Variants in GJB7 observed in about 807,000 individuals in gnomAD.
GJB7 encodes gap junction protein beta 7.
For synonymous variants in GJB7, 87 were observed against 95.2 expected, an observed-to-expected ratio of 0.91 and a Z score of 0.50; for missense variants, 253 against 256.8, an observed-to-expected ratio of 0.99 and a Z score of 0.10.
chr6:87,329,051 G>C (rs1452370949), intron 1 of GJB7, 87 bp downstream of exon 1: 1 of 152,878 alleles, frequency 6.5e-6, no homozygotes, highest in Non-Finnish European at 1.5e-5. Context: ...TTGACTAGGA[G>C]AGGGAACTCC....
At chr6:87,323,213 C>T (rs1457564691) in intron 1 of GJB7, among the ~76,000 whole-genome samples, 170 bp from the exon 2 acceptor site, 2 of 152,198 alleles carry the variant, frequency 1.3e-5, no homozygotes, top group South Asian at 2.1e-4. Context: ...AGCCTTTCCC[C>T]TTTTTTCAGA....
intron 2 of GJB7, among the ~76,000 whole-genome samples, chr6:87,287,396 T>G (rs909824449): frequency 2.0e-5 from 3 of 152,214 alleles, no homozygotes; most frequent in Non-Finnish European, 4.4e-5. Context: ...ATAATACATG[T>G]TCTCTTACAG....
At chr6:87,319,905 C>T (rs183154672) in intron 2 of GJB7, among the ~76,000 whole-genome samples, 1 of 152,158 alleles carries the variant, frequency 6.6e-6, no homozygotes, top group Admixed American at 6.5e-5. Flanking sequence ...TGAAATAAGC[C>T]AGGCACAGGA....
At chr6:87,290,413 CTCAT>C (rs1776148926) in intron 2 of GJB7, among the ~76,000 whole-genome samples, 1 of 152,202 alleles carries the variant, frequency 6.6e-6, no homozygotes, top group South Asian at 2.1e-4. Flanking sequence ...CTAGCAAACT[CTCAT>C]TCCCCATCTG....
chr6:87,328,900 C>G (rs1001260568), intron 1 of GJB7, among the ~76,000 whole-genome samples: 1 of 152,180 alleles, frequency 6.6e-6, no homozygotes, highest in African/African-American at 2.4e-5. Flanking sequence ...TAGCAATCAG[C>G]CAGACTCCGT....
At chr6:87,315,233 C>T (rs1456842762) in intron 2 of GJB7, among the ~76,000 whole-genome samples, 1 of 152,134 alleles carries the variant, frequency 6.6e-6, no homozygotes, top group African/African-American at 2.4e-5. Context: ...GTTTCCCAAC[C>T]CAACTGGTGG....
At chr6:87,296,435 T>C (rs1776250565) in intron 2 of GJB7, among the ~76,000 whole-genome samples, 1 of 152,212 alleles carries the variant, frequency 6.6e-6, no homozygotes. Context: ...TGTAGATTAA[T>C]ATATGAAACA....
At chr6:87,298,773 T>G in intron 2 of GJB7, 1 of 245,586 alleles carries the variant, frequency 4.1e-6, no homozygotes, top group South Asian at 6.2e-5. Flanking sequence ...CCGACAGAAA[T>G]GCTTCAATTA....
intron 2 of GJB7, among the ~76,000 whole-genome samples, chr6:87,305,279 ATTGTC>A (rs1223546523): frequency 6.6e-6 from 1 of 151,994 alleles, no homozygotes; most frequent in African/African-American, 2.4e-5. Context: ...AGAAAACCCC[ATTGTC>A]TCAGCCCAAA....
chr6:87,315,122 G>T (rs1055614471), intron 2 of GJB7, among the ~76,000 whole-genome samples: 1 of 152,116 alleles, frequency 6.6e-6, no homozygotes, highest in Non-Finnish European at 1.5e-5. Context: ...GCACCACTCA[G>T]TGGAAAAGAG....
intron 1 of GJB7, among the ~76,000 whole-genome samples, chr6:87,327,520 G>GT (rs1776858327): frequency 6.7e-6 from 1 of 149,702 alleles, no homozygotes; most frequent in South Asian, 2.1e-4. Flanking sequence ...ATGAAGCTTA[G>GT]TTTGGCTGGA....
chr6:87,312,460 G>A (rs1361947461), intron 2 of GJB7, among the ~76,000 whole-genome samples: 8 of 149,344 alleles, frequency 5.4e-5, no homozygotes, highest in Non-Finnish European at 7.4e-5. Context: ...GCAGTGAGCC[G>A]AGATGACACC....
intron 2 of GJB7, among the ~76,000 whole-genome samples, chr6:87,293,656 G>A (rs1201499618): frequency 6.6e-6 from 1 of 152,172 alleles, no homozygotes; most frequent in Non-Finnish European, 1.5e-5. Flanking sequence ...TTTGTGCTAA[G>A]ACACCTTCTG....
At chr6:87,293,078 C>A (rs1011799673) in intron 2 of GJB7, among the ~76,000 whole-genome samples, 3 of 152,212 alleles carry the variant, frequency 2.0e-5, no homozygotes, top group Non-Finnish European at 4.4e-5. Context: ...TGTTGCTAGG[C>A]TAGAGTGCAG....
Position 87,284,001 on chromosome 6 carries a change from G to A in GJB7, c.*240C>T. The A allele has an allele frequency of 2.1e-6, 1 of 482,668 alleles. No individual in the cohort carries two copies. The highest frequency in any genetic ancestry group is 3.5e-5 in the East Asian group (1 of 28,620). The allele number at this position is 482,668 out of a possible 1,614,324, so 29.9% of individuals were successfully genotyped here. A position where few individuals can be genotyped will look rare whatever the true frequency, so the allele number is the denominator to read the frequency against. On this transcript the variant is annotated 3_prime_UTR_variant, in exon 3 of 3. Transcript: ENST00000525899. ...CTCTGTCTAGAGCTCATAACTGAAAGCATATTGACAATGTAAAAAAATTCC... is the reference window on the plus strand; with the variant it reads ...CTCTGTCTAGAGCTCATAACTGAAAACATATTGACAATGTAAAAAAATTCC...
intron 2 of GJB7, chr6:87,299,168 G>A (rs1776286054): frequency 1.1e-5 from 5 of 454,822 alleles, no homozygotes; most frequent in Non-Finnish European, 2.2e-5. Flanking sequence ...TGCTAATCCT[G>A]TGGAAATCAG....
rs549872339 is a variant in GJB7 at position 87,324,975 on chromosome 6, A to G, written c.-205-1932T>C. 4.7e-3 allele frequency among the ~76,000 whole-genome samples: 712 copies of G among 152,122 alleles called. 5 individuals are homozygous for G. The highest frequency in any genetic ancestry group is 0.016 in the African/African-American group (664 of 41,472). On this transcript the variant is annotated intron_variant, in intron 1 of 2. Coordinates refer to ENST00000525899, the MANE Select transcript of GJB7 (RefSeq NM_198568.3). Reference sequence around the variant, plus strand: ...CAGTGGTTTGTAGTTCTCCTTGAAGAGGTCCTTCACATCCCTTGTAAGTTG... The same window carrying G: ...CAGTGGTTTGTAGTTCTCCTTGAAGGGGTCCTTCACATCCCTTGTAAGTTG...
In GJB7 at chr6:87,284,810, C is replaced by A; in HGVS notation, c.103G>T (p.Val35Phe). 1 of 1,614,094 alleles carries A rather than the reference C, an allele frequency of 6.2e-7. No individual in the cohort carries two copies. The highest frequency in any genetic ancestry group is 8.5e-7 in the Non-Finnish European group (1 of 1,180,020). The change falls in exon 3 of 3, where the codon GTC becomes TTC. Residue 35 changes from valine to phenylalanine, a missense_variant. Val to Phe is a conservative substitution (Grantham distance 50, BLOSUM62 -1). Coordinates refer to ENST00000525899, the MANE Select transcript of GJB7 (RefSeq NM_198568.3). ...LAVVFVFRLL[V>F]YMVAAEHVWK... is the part of the protein sequence containing the mutation. Reference sequence around the variant, plus strand: ...ACGTGCTCTGCTGCCACCATGTAGACCAGCAAACGGAAGACAAACACGACA... The same window carrying A: ...ACGTGCTCTGCTGCCACCATGTAGAACAGCAAACGGAAGACAAACACGACA...
At chr6:87,312,523 C>A (rs76144896) in intron 2 of GJB7, among the ~76,000 whole-genome samples, 76,641 of 143,914 alleles carry the variant, frequency 0.53, 20,288 homozygotes, top group Non-Finnish European at 0.6. Context: ...AAAAAAAAAA[C>A]AAAAAAAAAA....
Sources: allele counts gnomAD v4.1 joint callset (sites outside exome capture counted in the v4.1 genomes callset), GRCh38; gene constraint gnomAD v4.1.1; transcripts MANE v1.5; gene names NCBI Gene and HGNC (gene_info 2026-07-23, HGNC 2026-07-21).